GRIA1: variants seen among roughly 807,000 people sequenced by gnomAD.
The protein encoded by GRIA1 is glutamate receptor 1.
A neutral mutation model predicts 99.2 loss-of-function variants in GRIA1; 31 were observed. That is an observed-to-expected ratio of 0.31 (90% CI 0.23 to 0.42). The LOEUF is 0.42. GRIA1 is among the 10% of genes least tolerant of loss of function. The pLI is 1.00. For synonymous variants in GRIA1, 438 were observed against 432.4 expected, an observed-to-expected ratio of 1.01 and a Z score of -0.16; for missense variants, 782 against 1,157.5, an observed-to-expected ratio of 0.68 and a Z score of 4.71.
rs143617384 is a variant in GRIA1, at chr5:153,708,426, T to C, written c.1823+2359T>C. On this transcript the variant is annotated intron_variant, in intron 11 of 15. Coordinates refer to ENST00000285900, the MANE Select transcript of GRIA1 (RefSeq NM_000827.4). ...CACTAGGGTATCATAGGAGTTGACA[T>C]TGAGGTGAAGAGGAGACTGAACAAC... is the stretch of plus-strand genomic sequence containing the variant. Among the ~76,000 whole-genome samples, 677 of 152,242 alleles carry C rather than the reference T, an allele frequency of 4.4e-3. 6 individuals carry two copies. The highest frequency in any genetic ancestry group is 0.015 in the African/African-American group (624 of 41,530).
chr5:153,770,666 C>T (rs1763820696), intron 13 of GRIA1, among the ~76,000 whole-genome samples: 1 of 152,174 alleles, frequency 6.6e-6, no homozygotes, highest in Non-Finnish European at 1.5e-5. Flanking sequence ...TCACCTTCCT[C>T]CTCCAAGTGC....
chr5:153,599,839 A>G (rs1461132060), intron 2 of GRIA1, among the ~76,000 whole-genome samples: 1 of 152,180 alleles, frequency 6.6e-6, no homozygotes, highest in Admixed American at 6.5e-5. Context: ...TTAAAGATCC[A>G]GAGAAAATGG....
At position 153,501,151 on chromosome 5, in the gene GRIA1, G is replaced by A. The variant is rs148921098; in HGVS notation, c.220+7086G>A. 5.6e-3 allele frequency among the ~76,000 whole-genome samples: 855 copies of A among 152,292 alleles called. 12 individuals carry two copies. The highest frequency in any genetic ancestry group is 0.02 in the African/African-American group (815 of 41,550). ...AGGGCGCATTCTGTATGCAAATGCT[G>A]AAGCATTATGCCTACTTTGGGGCCT... On this transcript the variant is annotated intron_variant, in intron 2 of 15. Transcript: ENST00000285900.
rs368249326 is a variant in GRIA1 at position 153,610,864 on chromosome 5, A to T, written c.221-36064A>T. On this transcript the variant is annotated intron_variant, in intron 2 of 15. Transcript: ENST00000285900. Reference sequence around the variant, plus strand: ...TAATTAATTTTGTTTTAGTATTATAATTGTATAGTAATGCTCAACACGTTT... The same window carrying T: ...TAATTAATTTTGTTTTAGTATTATATTTGTATAGTAATGCTCAACACGTTT... Among the ~76,000 whole-genome samples the T allele has an allele frequency of 6.6e-5, 10 of 152,346 alleles. 1 individual carries two copies. The South Asian group carries it at 2.1e-3, about 32-fold the overall frequency.
intron 2 of GRIA1, chr5:153,494,349 G>A (rs1323825086): frequency 5.4e-6 from 2 of 370,450 alleles, no homozygotes; most frequent in Non-Finnish European, 4.9e-6. Flanking sequence ...CCTTGCAGAG[G>A]TTTTCTGGCA....
chr5:153,565,584 A>G (rs1761542942), intron 2 of GRIA1, among the ~76,000 whole-genome samples: 1 of 152,190 alleles, frequency 6.6e-6, no homozygotes, highest in Non-Finnish European at 1.5e-5. Flanking sequence ...CCCAGTACCC[A>G]TTAGCTGTCA....
chr5:153,560,404 T>G (rs1441275961), intron 2 of GRIA1, among the ~76,000 whole-genome samples: 1 of 152,176 alleles, frequency 6.6e-6, no homozygotes, highest in Non-Finnish European at 1.5e-5. Context: ...GAGGCTGATA[T>G]GGTGTGGCTA....
intron 3 of GRIA1, among the ~76,000 whole-genome samples, chr5:153,649,198 A>G (rs996451026): frequency 9.9e-5 from 15 of 152,174 alleles, no homozygotes; most frequent in Admixed American, 9.8e-4. Context: ...AGCCCTGCTG[A>G]CACCTTGATT....
At position 153,802,499 on chromosome 5, in the gene GRIA1, G is replaced by A. The variant is rs376740433; in HGVS notation, c.2520+9G>A. 1.7e-4 allele frequency: 272 copies of A among 1,613,816 alleles called. 1 individual carries two copies. The highest frequency in any genetic ancestry group is 2.1e-4 in the Non-Finnish European group (249 of 1,179,830). ...AATCCAAGCGGATGAAGGTGGCATC[G>A]TCTTCCCGGGCCTTTTTCCTAACCT... On this transcript the variant is annotated intron_variant, in intron 15 of 15. Transcript: ENST00000285900.
chr5:153,712,711 C>T (rs1561791973), intron 11 of GRIA1, among the ~76,000 whole-genome samples: 1 of 152,172 alleles, frequency 6.6e-6, no homozygotes, highest in Non-Finnish European at 1.5e-5. Flanking sequence ...ATTTAGGCCA[C>T]AGGTTCATTT....
chr5:153,719,959 T>C (rs879442736), intron 11 of GRIA1, among the ~76,000 whole-genome samples: 3 of 152,254 alleles, frequency 2.0e-5, no homozygotes, highest in Non-Finnish European at 2.9e-5. Context: ...TAGAGGACTA[T>C]ATGGCATTTA....
rs139230165 is a variant in GRIA1 at position 153,588,621 on chromosome 5, C to G, written c.221-58307C>G. Among the ~76,000 whole-genome samples the G allele has an allele frequency of 4.6e-3, 699 of 152,282 alleles. 7 individuals carry two copies. Among genetic ancestry groups the G allele is most frequent in the African/African-American group, 0.016 (647 of 41,556 alleles). Reference sequence around the variant, plus strand: ...GACAGATTGCTTAATCCTGCTGAGCCTATGGTTTTATACTTTTAAATTGAA... The same window carrying G: ...GACAGATTGCTTAATCCTGCTGAGCGTATGGTTTTATACTTTTAAATTGAA... On this transcript the variant is annotated intron_variant, in intron 2 of 15. Coordinates refer to ENST00000285900, the MANE Select transcript of GRIA1 (RefSeq NM_000827.4).
chr5:153,755,110 G>A (rs1475959127), intron 11 of GRIA1, among the ~76,000 whole-genome samples: 4 of 152,216 alleles, frequency 2.6e-5, no homozygotes, highest in Non-Finnish European at 2.9e-5. Flanking sequence ...AGTACAGCAA[G>A]TATGTTGCTG....
At chr5:153,600,133 T>A (rs1251150775) in intron 2 of GRIA1, among the ~76,000 whole-genome samples, 3 of 152,086 alleles carry the variant, frequency 2.0e-5, no homozygotes, top group Non-Finnish European at 2.9e-5. Flanking sequence ...GGCTCACGCT[T>A]GTAATCCCAG....
intron 3 of GRIA1, among the ~76,000 whole-genome samples, chr5:153,647,688 TTC>T (rs1266690854): frequency 6.6e-6 from 1 of 152,216 alleles, no homozygotes; most frequent in Non-Finnish European, 1.5e-5. Context: ...TCAAAATTCT[TTC>T]TCTGTTTTAG....
chr5:153,538,209 G>T (rs1323227876), intron 2 of GRIA1, among the ~76,000 whole-genome samples: 1 of 152,214 alleles, frequency 6.6e-6, no homozygotes, highest in Non-Finnish European at 1.5e-5. Context: ...ATGATGGGAA[G>T]TAGGGGGAAT....
chr5:153,687,022 G>T (rs1308510866), intron 8 of GRIA1, among the ~76,000 whole-genome samples: 1 of 149,974 alleles, frequency 6.7e-6, no homozygotes, highest in African/African-American at 2.5e-5. Flanking sequence ...TGTTTCCTCT[G>T]CCTGGGACTT....
At chr5:153,754,054 G>A (rs1358154842) in intron 11 of GRIA1, among the ~76,000 whole-genome samples, 2 of 152,156 alleles carry the variant, frequency 1.3e-5, no homozygotes. Flanking sequence ...ATTATACAGA[G>A]CAGGAAGACA....
At chr5:153,778,256 G>C (rs1764402619) in intron 13 of GRIA1, among the ~76,000 whole-genome samples, 1 of 151,612 alleles carries the variant, frequency 6.6e-6, no homozygotes, top group Admixed American at 6.6e-5. Context: ...TTGCAAAGGA[G>C]AGAAGCTTTC....
Sources: gnomAD v4.1 joint callset for allele counts (sites outside exome capture counted in the v4.1 genomes callset) on GRCh38, gnomAD v4.1.1 for gene constraint, MANE v1.5 for transcripts, NCBI Gene and HGNC (gene_info 2026-07-23, HGNC 2026-07-21) for gene names.